Variants in ZNF394 observed in about 807,000 individuals in gnomAD.
ZNF394 encodes zinc finger protein 394, also known as zinc finger protein 99.
Under a neutral mutation model 21.8 loss-of-function variants are expected in ZNF394, and 19 were observed. The observed-to-expected ratio is 0.87, with a 90% CI of 0.61 to 1.28. The LOEUF (loss-of-function observed/expected upper bound fraction) is 1.28, where lower values mean the gene tolerates loss of function less well. Ranked by LOEUF, ZNF394 falls within the 50% of genes most tolerant of loss-of-function variation. The pLI, the probability that ZNF394 is intolerant of heterozygous loss-of-function variation, is 0.00. For synonymous variants in ZNF394, 294 were observed against 273.3 expected (o/e 1.08, Z -0.75); for missense variants, 683 against 708.6 (o/e 0.96, Z 0.41).
intron 1 of ZNF394, among the ~76,000 whole-genome samples, chr7:99,499,150 C>A (rs1029901326): frequency 7.3e-5 from 11 of 151,564 alleles, no homozygotes; most frequent in Non-Finnish European, 1.5e-4. Context: ...CCGAGGCGGG[C>A]GGATCACCTG....
downstream of ZNF394, among the ~76,000 whole-genome samples, chr7:99,492,787 C>T (rs139168505): frequency 0.013 from 1,875 of 148,700 alleles, 37 homozygotes; most frequent in African/African-American, 0.044. Context: ...AAGACCCTAT[C>T]TCTTAAAAAA....
rs775993517 is a variant in ZNF394, at chr7:99,499,743, G to C, written c.351C>G (p.Pro117=). Residue 117 remains proline, a synonymous_variant, in exon 1 of 3, where the codon CCC becomes CCG. Coordinates refer to ENST00000337673, the MANE Select transcript of ZNF394 (RefSeq NM_032164.4). ...CTCGCACCCAGGCTTGAAGCTCCTCGGGCAGGATGGTGAGGAACTGCTCCA... is the reference window on the plus strand; with the variant it reads ...CTCGCACCCAGGCTTGAAGCTCCTCCGGCAGGATGGTGAGGAACTGCTCCA... The part of the protein sequence containing the change: ...LVLEQFLTIL[P]EELQAWVREH... The C allele has an allele frequency of 2.5e-6, 4 of 1,614,080 alleles. No individual in the cohort carries two copies. The highest frequency in any genetic ancestry group is 2.2e-5 in the South Asian group (2 of 91,090).
chr7:99,489,114 C>G (rs924722510), downstream of ZNF394, among the ~76,000 whole-genome samples: 5 of 151,680 alleles, frequency 3.3e-5, no homozygotes, highest in Non-Finnish European at 5.9e-5. Context: ...GAAACCCCAT[C>G]TCTACTAAAA....
Position 99,486,542 on chromosome 7 carries a change from CAT to C in ZNF394, n.503_504del, listed in dbSNP as rs757928812. Reference sequence around the variant, plus strand: ...CAGAAATTTTCTGAAGATTTAGAGTCATATAAGATATCAGTGGTAATGCAGGA... The same window carrying C: ...CAGAAATTTTCTGAAGATTTAGAGTCATAAGATATCAGTGGTAATGCAGGA... On this transcript the variant is annotated non_coding_transcript_exon_variant, in exon 2 of 2. Coordinates refer to the ZNF394 transcript ENST00000462024. The C allele has an allele frequency of 9.9e-6, 16 of 1,614,094 alleles. No homozygotes were observed. In the South Asian group the frequency reaches 1.6e-4, roughly 17 times the overall value.
At position 99,497,682 on chromosome 7, in the gene ZNF394, G is replaced by A. The variant is rs187704285; in HGVS notation, c.583+1034C>T. Among the ~76,000 whole-genome samples the A allele has an allele frequency of 3.2e-3, 486 of 152,104 alleles. 3 individuals are homozygous for A. The highest frequency in any genetic ancestry group is 0.011 in the African/African-American group (444 of 41,482). On this transcript the variant is annotated intron_variant, in intron 2 of 2. Transcript: ENST00000337673. ...AGTTCAAGACCAGTCTGGCCAACAT[G>A]GTGAAACCCCATCTCTACTAAAAAC... is the stretch of plus-strand genomic sequence containing the variant.
intron 1 of ZNF394, chr7:99,487,197 A>C: frequency 6.2e-7 from 1 of 1,614,158 alleles, no homozygotes; most frequent in Non-Finnish European, 8.5e-7. Flanking sequence ...CAACCCTTCT[A>C]TGTCATCAAC....
At chr7:99,497,419 A>T (rs1800371806) in intron 2 of ZNF394, among the ~76,000 whole-genome samples, 1 of 151,306 alleles carries the variant, frequency 6.6e-6, no homozygotes, top group Admixed American at 6.6e-5. Context: ...TGACCTCATG[A>T]TCTGCCCGCC....
Position 99,498,840 on chromosome 7 carries a change from C to T in ZNF394, c.459G>A (p.Gly153=), listed in dbSNP as rs1179221415. The change falls in exon 2 of 3, where the codon GGG becomes GGA. Residue 153 remains glycine, a splice_region_variant and synonymous_variant. Coordinates refer to ENST00000337673, the MANE Select transcript of ZNF394 (RefSeq NM_032164.4). ...QRALDGTSSQ[G]MVTFEDTAVS... is the part of the protein sequence containing the mutation. Reference sequence around the variant, plus strand: ...CAGCCGTGTCCTCGAAAGTCACCATCCCCTGGAACAACACAAGAGCCCCAT... The same window carrying T: ...CAGCCGTGTCCTCGAAAGTCACCATTCCCTGGAACAACACAAGAGCCCCAT... The T allele has an allele frequency of 6.2e-7, 1 of 1,612,344 alleles. No homozygotes were observed. Among genetic ancestry groups the T allele is most frequent in the Admixed American group, 1.7e-5 (1 of 59,834 alleles).
downstream of ZNF394, among the ~76,000 whole-genome samples, chr7:99,492,559 G>A (rs2151079938): frequency 6.8e-6 from 1 of 147,514 alleles, no homozygotes; most frequent in Non-Finnish European, 1.5e-5. Flanking sequence ...AGAATTGCTT[G>A]AATCCAGGAG....
At chr7:99,487,542 A>G (rs530024789) in intron 1 of ZNF394, 1 of 1,539,794 alleles carries the variant, frequency 6.5e-7, no homozygotes, top group Admixed American at 2.1e-5. Context: ...CTCTACTTCA[A>G]GTGTGTATCA....
intron 1 of ZNF394, chr7:99,487,166 G>A: frequency 6.2e-7 from 1 of 1,614,128 alleles, no homozygotes; most frequent in Non-Finnish European, 8.5e-7. Flanking sequence ...CTTGAGTGTG[G>A]AAAAGCCTTT....
chr7:99,500,055 G>A lies in ZNF394; in HGVS notation c.39C>T (p.Asp13=), dbSNP rs1800474628. 1.9e-6 allele frequency: 3 copies of A among 1,584,682 alleles called. No individual in the cohort carries two copies. Among genetic ancestry groups the A allele is most frequent in the Middle Eastern group, 1.7e-4 (1 of 5,960 alleles). ...SSLTAQRRGS[D]AELGPWVMAA... is the part of the protein sequence containing the mutation. The stretch of plus-strand genomic sequence containing the variant: ...CCATCACCCAGGGTCCCAACTCGGC[G>A]TCACTGCCGCGCCTCTGGGCGGTCA... Residue 13 remains aspartate, a synonymous_variant, in exon 1 of 3, where the codon GAC becomes GAT. Coordinates refer to ENST00000337673, the MANE Select transcript of ZNF394 (RefSeq NM_032164.4).
rs569145225 is a variant in ZNF394, at chr7:99,487,848, G to A, written n.84-885C>T. ...AGCACTTTGGGAGGCCGAGGTGGGC[G>A]GATCACGAGGTCAGGAGATCAAGAC... On this transcript the variant is annotated intron_variant and non_coding_transcript_variant, in intron 1 of 1. Transcript: ENST00000462024. Among the ~76,000 whole-genome samples, 4 of 151,850 alleles carry A rather than the reference G, an allele frequency of 2.6e-5. No homozygotes were observed. In the South Asian group the frequency reaches 6.2e-4, roughly 24 times the overall value.
intron 2 of ZNF394, among the ~76,000 whole-genome samples, chr7:99,496,094 G>C (rs910413250): frequency 6.6e-6 from 1 of 152,034 alleles, no homozygotes; most frequent in Non-Finnish European, 1.5e-5. Context: ...GCTAATTTTT[G>C]TATTTTTAGT....
At chr7:99,498,963 T>G in intron 1 of ZNF394, 121 bp from the exon 2 acceptor site, 2 of 1,363,064 alleles carry the variant, frequency 1.5e-6, no homozygotes, top group Admixed American at 2.8e-5. Flanking sequence ...GACATTCTCT[T>G]GTAATCCTGA....
At chr7:99,497,777 T>G (rs964252739) in intron 2 of ZNF394, 2 of 151,994 alleles carry the variant, frequency 1.3e-5, no homozygotes, top group African/African-American at 2.4e-5. Flanking sequence ...GCAGGAGAAT[T>G]GCTTGGCTTG....
At chr7:99,487,898 C>T (rs1800058256) in intron 1 of ZNF394, among the ~76,000 whole-genome samples, 1 of 151,918 alleles carries the variant, frequency 6.6e-6, no homozygotes, top group African/African-American at 2.4e-5. Context: ...CAGTGAAACC[C>T]CGTTTCCACT....
In ZNF394 at chr7:99,499,828, CAG is replaced by C. The variant is rs756664715; in HGVS notation, c.264_265del (p.Cys89SerfsTer145). On this transcript the variant is annotated frameshift_variant, in exon 1 of 3. Transcript: ENST00000337673. LOFTEE classifies it high-confidence loss of function. ...CAGCTCGGGTCTCAGCCACCGACGACAGAGTTCTCGGAGCCGGCTCAGCGCCT... is the reference window on the plus strand; with the variant it reads ...CAGCTCGGGTCTCAGCCACCGACGACAGTTCTCGGAGCCGGCTCAGCGCCT... The C allele has an allele frequency of 1.2e-6, 2 of 1,614,100 alleles. No homozygotes were observed. The highest frequency in any genetic ancestry group is 1.3e-5 in the African/African-American group (1 of 74,944).
At position 99,499,910 on chromosome 7, in the gene ZNF394, T is replaced by C. The variant is rs144024025; in HGVS notation, c.184A>G (p.Thr62Ala). The C allele has an allele frequency of 3.5e-4, 558 of 1,614,026 alleles. 3 individuals are homozygous for C. In the African/African-American group the frequency reaches 6.5e-3, roughly 19 times the overall value. ...NYPAASPDPETSRLHFRQLRY... is the reference protein window; with the variant it reads ...NYPAASPDPEASRLHFRQLRY... ...AGCTGCCTAAAGTGCAGTCGAGAAG[T>C]TTCGGGGTCCGGCGAAGCCGCGGGA... is the stretch of plus-strand genomic sequence containing the variant. The change falls in exon 1 of 3, where the codon ACT becomes GCT. Residue 62 changes from threonine (T) to alanine (A), a missense_variant. Physicochemically the swap from Thr to Ala is moderately conservative, Grantham distance 58. Transcript: ENST00000337673.
Sources: allele counts gnomAD v4.1 joint callset (sites outside exome capture counted in the v4.1 genomes callset), GRCh38; gene constraint gnomAD v4.1.1; transcripts MANE v1.5; gene names NCBI Gene and HGNC (gene_info 2026-07-23, HGNC 2026-07-21).